GRIP1: variants seen among roughly 807,000 people sequenced by gnomAD.
GRIP1 encodes the protein glutamate receptor interacting protein 1.
A neutral mutation model predicts 129.9 loss-of-function variants in GRIP1; 45 were observed. The observed-to-expected ratio is 0.35, with a 90% CI of 0.27 to 0.44. GRIP1 has a LOEUF of 0.44. Ranked by LOEUF, GRIP1 falls within the 20% of genes least tolerant of loss-of-function variation. GRIP1 has a pLI of 1.00. For missense variants in GRIP1, 1,196 were observed against 1,396.8 expected (o/e 0.86, Z 2.29); for synonymous variants, 530 against 520.8 (o/e 1.02, Z -0.24).
At chr12:66,400,646 A>T (rs2056954106) in intron 16 of GRIP1, among the ~76,000 whole-genome samples, 1 of 152,190 alleles carries the variant, frequency 6.6e-6, no homozygotes, top group South Asian at 2.1e-4. Flanking sequence ...CAGCCCATGA[A>T]GGTAAAGTAT....
rs150791442 is a variant in GRIP1, at chr12:66,609,071, G to A, written c.56-12144C>T. Among the ~76,000 whole-genome samples, 3 of 151,642 alleles carry A rather than the reference G, an allele frequency of 2.0e-5. No homozygotes were observed. In the East Asian group the frequency reaches 5.8e-4, roughly 29 times the overall value. Reference sequence around the variant, plus strand: ...AGGGGATTTACTTTTACAATCATGGGTATTATTACCTCAAATTTCACAGAT... The same window carrying A: ...AGGGGATTTACTTTTACAATCATGGATATTATTACCTCAAATTTCACAGAT... On this transcript the variant is annotated intron_variant, in intron 1 of 24. Transcript: ENST00000359742.
At chr12:66,372,796 G>A (rs1003372995) in intron 22 of GRIP1, among the ~76,000 whole-genome samples, 3 of 151,972 alleles carry the variant, frequency 2.0e-5, no homozygotes, top group Non-Finnish European at 2.9e-5. Flanking sequence ...TCAAGTAGTG[G>A]ATATTCATTT....
At chr12:66,706,384 G>A (rs545192565) in intron 1 of GRIP1, among the ~76,000 whole-genome samples, 30 of 152,114 alleles carry the variant, frequency 2.0e-4, no homozygotes, top group African/African-American at 7.0e-4. Flanking sequence ...TGGTGAGGCT[G>A]TGGAGAAATA....
intron 15 of GRIP1, among the ~76,000 whole-genome samples, chr12:66,408,641 G>A (rs1455997083): frequency 2.6e-5 from 4 of 152,016 alleles, no homozygotes; most frequent in African/African-American, 9.7e-5. Flanking sequence ...TTCTGCTTGA[G>A]AAAAGCAGAG....
intron 1 of GRIP1, among the ~76,000 whole-genome samples, chr12:66,667,880 A>G (rs1276700419): frequency 1.3e-5 from 2 of 152,124 alleles, no homozygotes; most frequent in Non-Finnish European, 2.9e-5. Context: ...ATTTCCAAAA[A>G]CCACACAAGT....
intron 1 of GRIP1, among the ~76,000 whole-genome samples, chr12:66,892,466 C>G (rs2040676537): frequency 6.6e-6 from 1 of 152,186 alleles, no homozygotes; most frequent in South Asian, 2.1e-4. Flanking sequence ...TCTCCCAGGT[C>G]TCACCAATGA....
intron 1 of GRIP1, among the ~76,000 whole-genome samples, chr12:66,775,850 T>G (rs2037962583): frequency 1.3e-5 from 2 of 152,176 alleles, no homozygotes; most frequent in African/African-American, 4.8e-5. Context: ...TGTGGTCAAA[T>G]CAATTTGAGA....
At chr12:66,850,835 C>T (rs1008683166) in intron 1 of GRIP1, among the ~76,000 whole-genome samples, 1 of 151,666 alleles carries the variant, frequency 6.6e-6, no homozygotes, top group Non-Finnish European at 1.5e-5. Context: ...AGTTTGTTCT[C>T]ATTAATATGA....
rs540511410 is a variant in GRIP1 at position 66,688,144 on chromosome 12, T to C, written c.-419-57808A>G. On this transcript the variant is annotated intron_variant, in intron 1 of 4. Coordinates refer to the GRIP1 transcript ENST00000538373. Reference sequence around the variant, plus strand: ...CCCTAATACACCGGACTTAGTTACTTCGGTCAGTATGGTCTCCATTTTGCT... The same window carrying C: ...CCCTAATACACCGGACTTAGTTACTCCGGTCAGTATGGTCTCCATTTTGCT... Among the ~76,000 whole-genome samples the C allele has an allele frequency of 4.2e-4, 64 of 152,314 alleles. No homozygotes were observed. The South Asian group carries it at 8.9e-3, about 21-fold the overall frequency.
At chr12:66,766,780 T>C (rs2037654359) in intron 1 of GRIP1, among the ~76,000 whole-genome samples, 1 of 152,236 alleles carries the variant, frequency 6.6e-6, no homozygotes, top group Non-Finnish European at 1.5e-5. Context: ...GTGACATATT[T>C]GTGGATTTTA....
upstream of GRIP1, among the ~76,000 whole-genome samples, chr12:66,804,437 T>TAAA (rs1019417585): frequency 1.1e-4 from 17 of 148,896 alleles, no homozygotes; most frequent in Non-Finnish European, 1.3e-4. Flanking sequence ...GTAATTTTTT[T>TAAA]AAAAAAAAAA....
At chr12:66,470,328 C>G (rs1187697416) in intron 7 of GRIP1, among the ~76,000 whole-genome samples, 1 of 152,152 alleles carries the variant, frequency 6.6e-6, no homozygotes, top group Non-Finnish European at 1.5e-5. Flanking sequence ...CAGTCCTGAA[C>G]TCCTATTTTA....
At chr12:66,658,536 G>T (rs1279828024) in intron 1 of GRIP1, among the ~76,000 whole-genome samples, 2 of 151,446 alleles carry the variant, frequency 1.3e-5, no homozygotes, top group African/African-American at 2.4e-5. Context: ...AGCCAAGATC[G>T]TGCCACTGCA....
chr12:66,716,794 G>A (rs2035903460), intron 1 of GRIP1, among the ~76,000 whole-genome samples: 1 of 152,038 alleles, frequency 6.6e-6, no homozygotes, highest in African/African-American at 2.4e-5. Context: ...GAGGTGGCAG[G>A]TGGGAGGCTT....
chr12:67,064,841 C>T (rs1022131594), intron 1 of GRIP1, among the ~76,000 whole-genome samples: 11 of 150,532 alleles, frequency 7.3e-5, no homozygotes, highest in Non-Finnish European at 1.0e-4. Flanking sequence ...CATGCTGGTG[C>T]GCTGCACCCA....
chr12:66,470,071 C>T (rs768304011), intron 7 of GRIP1, among the ~76,000 whole-genome samples: 3 of 152,146 alleles, frequency 2.0e-5, no homozygotes, highest in Non-Finnish European at 4.4e-5. Context: ...TCCATGATCA[C>T]CACCTTAGCC....
rs565055468 is a variant in GRIP1, at chr12:66,531,330, T to C, written c.419-1416A>G. ...ACACACACACACATACATATACATATATACATATATATACACACACAGGCA... is the reference window on the plus strand; with the variant it reads ...ACACACACACACATACATATACATACATACATATATATACACACACAGGCA... On this transcript the variant is annotated intron_variant, in intron 4 of 24. Coordinates refer to ENST00000359742, the MANE Select transcript of GRIP1 (RefSeq NM_001366722.1). Among the ~76,000 whole-genome samples the C allele has an allele frequency of 1.5e-3, 97 of 62,960 alleles. 5 individuals are homozygous for C. The highest frequency in any genetic ancestry group is 7.8e-3 in the African/African-American group (90 of 11,532). 41.3% of individuals were successfully genotyped at this position (62,960 alleles called of 152,430 possible). A position where few individuals can be genotyped will look rare whatever the true frequency, so the allele number is the denominator to read the frequency against.
At chr12:66,748,948 C>T (rs1266948400) in intron 1 of GRIP1, among the ~76,000 whole-genome samples, 3 of 152,142 alleles carry the variant, frequency 2.0e-5, no homozygotes, top group African/African-American at 7.2e-5. Context: ...TCCCAGACTT[C>T]TCTATATAAA....
At chr12:66,649,388 C>T (rs1204626835) in intron 1 of GRIP1, among the ~76,000 whole-genome samples, 1 of 152,206 alleles carries the variant, frequency 6.6e-6, no homozygotes, top group East Asian at 1.9e-4. Context: ...AGCTGAGTCC[C>T]TCAAGTCTGG....
Sources: allele counts gnomAD v4.1 joint callset (sites outside exome capture counted in the v4.1 genomes callset), GRCh38; gene constraint gnomAD v4.1.1; transcripts MANE v1.5; gene names NCBI Gene and HGNC (gene_info 2026-07-23, HGNC 2026-07-21).